The following CGN variants were observed in gnomAD, a reference collection of about 807,000 sequenced individuals.
CGN encodes the protein cingulin.
In CGN, 121 loss-of-function variants were observed where a neutral mutation model predicts 157.1. The observed-to-expected ratio is 0.77, with a 90% confidence interval of 0.66 to 0.90. CGN has a LOEUF of 0.90. Ranked by LOEUF, CGN falls within the 40% of genes least tolerant of loss-of-function variation. The pLI is 0.00. For synonymous variants in CGN, 535 were observed against 607.5 expected, an observed-to-expected ratio of 0.88 and a Z score of 1.76; for missense variants, 1,424 against 1,520.9, an observed-to-expected ratio of 0.94 and a Z score of 1.06.
chr1:151,529,296 CAGGT>C, intron 10 of CGN, 50 bp from the exon 11 acceptor site: 7 of 1,457,976 alleles, frequency 4.8e-6, no homozygotes, highest in Non-Finnish European at 6.7e-6. Flanking sequence ...TCTCCACATT[CAGGT>C]ATCTTAGTCT....
intron 5 of CGN, among the ~76,000 whole-genome samples, chr1:151,521,876 C>A (rs1306307379): frequency 6.6e-6 from 1 of 151,852 alleles, no homozygotes; most frequent in Non-Finnish European, 1.5e-5. Flanking sequence ...GGATGAAGAA[C>A]CTGGGATCAG....
intron 1 of CGN, among the ~76,000 whole-genome samples, chr1:151,515,857 C>A (rs1030625223): frequency 4.6e-5 from 7 of 152,178 alleles, no homozygotes. Context: ...TAGCCCAGTG[C>A]ATTTTCTTCT....
At chr1:151,523,722 C>A (rs1664597512) in intron 6 of CGN, among the ~76,000 whole-genome samples, 161 bp downstream of exon 6, 1 of 152,216 alleles carries the variant, frequency 6.6e-6, no homozygotes, top group Non-Finnish European at 1.5e-5. Context: ...TTTCTCTCTA[C>A]CTTCTTTATC....
chr1:151,534,049 G>A lies in CGN; in HGVS notation c.2817G>A (p.Leu939=), dbSNP rs765029431. The change falls in exon 15 of 21, where the codon CTG becomes CTA. Residue 939 remains leucine (L), a synonymous_variant. Transcript: ENST00000271636. ...RDTARLDKEL[L]AQRLQGLEQE... Reference sequence around the variant, plus strand: ...CAGCCCGGCTGGACAAAGAGCTACTGGCCCAGCGACTGCAGGGGCTGGAGC... The same window carrying A: ...CAGCCCGGCTGGACAAAGAGCTACTAGCCCAGCGACTGCAGGGGCTGGAGC... The A allele has an allele frequency of 1.9e-6, 3 of 1,613,818 alleles. No homozygotes were observed. In the Admixed American group the frequency reaches 5.0e-5, roughly 27 times the overall value.
intron 1 of CGN, among the ~76,000 whole-genome samples, chr1:151,515,319 A>G (rs1664384676): frequency 6.6e-6 from 1 of 152,258 alleles, no homozygotes; most frequent in South Asian, 2.1e-4. Context: ...AAGTACAAAG[A>G]TCTTAAGGGT....
At chr1:151,531,218 G>A (rs1373208512) in intron 13 of CGN, among the ~76,000 whole-genome samples, 1 of 151,934 alleles carries the variant, frequency 6.6e-6, no homozygotes, top group Non-Finnish European at 1.5e-5. Context: ...AAATCTTCTG[G>A]AAGGGGCATC....
At chr1:151,526,846 T>C in intron 9 of CGN, 129 bp from the exon 10 acceptor site, 1 of 971,438 alleles carries the variant, frequency 1.0e-6, no homozygotes, top group Non-Finnish European at 1.5e-6. Flanking sequence ...TTCACCTTCC[T>C]TCCTCTTGAG....
At chr1:151,526,665 G>A (rs1041166017) in intron 9 of CGN, among the ~76,000 whole-genome samples, 1 of 152,050 alleles carries the variant, frequency 6.6e-6, no homozygotes, top group Non-Finnish European at 1.5e-5. Context: ...GTAGAGACGG[G>A]GTTTCATTAT....
At chr1:151,514,831 A>G (rs1211907969) in intron 1 of CGN, among the ~76,000 whole-genome samples, 1 of 152,136 alleles carries the variant, frequency 6.6e-6, no homozygotes, top group Non-Finnish European at 1.5e-5. Context: ...GCTTCTCTGA[A>G]GAAGTGACAT....
At chr1:151,513,457 C>A (rs1052441302) in intron 1 of CGN, among the ~76,000 whole-genome samples, 1 of 152,202 alleles carries the variant, frequency 6.6e-6, no homozygotes, top group Non-Finnish European at 1.5e-5. Context: ...AAAAAGGGTG[C>A]CAAATCATCA....
At position 151,527,069 on chromosome 1, in the gene CGN, A is replaced by G; in HGVS notation, c.1858A>G (p.Ser620Gly). 1 of 1,614,162 alleles carries G rather than the reference A, an allele frequency of 6.2e-7. No individual in the cohort carries two copies. The highest frequency in any genetic ancestry group is 8.5e-7 in the Non-Finnish European group (1 of 1,180,034). Residue 620 changes from serine (S) to glycine (G), a missense_variant, in exon 10 of 21, where the codon AGT becomes GGT. Around this residue, in one of 3 missense-constraint regions of CGN, gnomAD observed 1,187 missense variants for 1,217.6 expected, o/e 0.97. Transcript: ENST00000271636. ...LQRELEQARA[S>G]AGDTRQVEVL... ...GAGGGAATTAGAGCAGGCCCGAGCTAGTGCTGGAGATACTCGCCAGGTTGA... is the reference window on the plus strand; with the variant it reads ...GAGGGAATTAGAGCAGGCCCGAGCTGGTGCTGGAGATACTCGCCAGGTTGA...
intron 16 of CGN, 60 bp from the exon 17 acceptor site, chr1:151,535,540 C>A: frequency 7.4e-7 from 1 of 1,349,458 alleles, no homozygotes; most frequent in South Asian, 1.2e-5. Flanking sequence ...TCACTTTGTT[C>A]AGCTTGCTGG....
chr1:151,532,596 T>C (rs765823989), intron 14 of CGN, 24 bp downstream of exon 14: 1 of 1,399,868 alleles, frequency 7.1e-7, no homozygotes, highest in Non-Finnish European at 9.3e-7. Flanking sequence ...ATCCTTGGGT[T>C]TGAAGGTCCT....
Position 151,519,205 on chromosome 1 carries a change from G to T in CGN, c.686G>T (p.Arg229Leu). Reference protein sequence around the residue: ...LPRDTFEERERQSTNHWTSST... With the variant: ...LPRDTFEERELQSTNHWTSST... ...CGGGACACCTTTGAGGAACGGGAGCGCCAGTCCACCAACCACTGGACCTCT... is the reference window on the plus strand; with the variant it reads ...CGGGACACCTTTGAGGAACGGGAGCTCCAGTCCACCAACCACTGGACCTCT... The change falls in exon 2 of 21, where the codon CGC (arginine) becomes CTC (leucine). Residue 229 changes from arginine (R) to leucine (L), a missense_variant. Physicochemically the swap from Arg to Leu is moderately radical, Grantham distance 102 (BLOSUM62 -2). Around this residue, in one of 3 missense-constraint regions of CGN, gnomAD observed 1,187 missense variants for 1,217.6 expected, o/e 0.97. Coordinates refer to ENST00000271636, the MANE Select transcript of CGN (RefSeq NM_020770.3). 1 of 1,614,060 alleles carries T rather than the reference G, an allele frequency of 6.2e-7. No homozygotes were observed. Among genetic ancestry groups the T allele is most frequent in the South Asian group, 1.1e-5 (1 of 91,082 alleles).
intron 8 of CGN, among the ~76,000 whole-genome samples, chr1:151,525,274 TTGTAGTCC>T (rs1311358821): frequency 2.0e-5 from 3 of 152,090 alleles, no homozygotes; most frequent in Non-Finnish European, 4.4e-5. Context: ...TGATGCGTAC[TTGTAGTCC>T]TAGCTACTTG....
chr1:151,519,708 G>A (rs1046750355), intron 2 of CGN, among the ~76,000 whole-genome samples: 1 of 152,182 alleles, frequency 6.6e-6, no homozygotes, highest in Admixed American at 6.5e-5. Context: ...TATGTAAGGC[G>A]GGCTTGGAGG....
In CGN at chr1:151,520,204, G is replaced by A. The variant is rs1664509142; in HGVS notation, c.912G>A (p.Glu304=). Reference sequence around the variant, plus strand: ...CAGACCTCCTTCGAGACCAGCAGGAGGCAGCCCCACCAGGCAGTGTGGACC... The same window carrying A: ...CAGACCTCCTTCGAGACCAGCAGGAAGCAGCCCCACCAGGCAGTGTGGACC... ...STPDLLRDQQ[E]AAPPGSVDHM... The change falls in exon 3 of 21, where the codon GAG becomes GAA. Residue 304 remains glutamate (E), a synonymous_variant. Coordinates refer to ENST00000271636, the MANE Select transcript of CGN (RefSeq NM_020770.3). 6.2e-7 allele frequency: 1 copy of A among 1,613,620 alleles called. No individual in the cohort carries two copies. Among genetic ancestry groups the A allele is most frequent in the Non-Finnish European group, 8.5e-7 (1 of 1,179,956 alleles).
intron 1 of CGN, among the ~76,000 whole-genome samples, chr1:151,517,478 T>TGGTGGG (rs1664440501): frequency 6.6e-6 from 1 of 151,342 alleles, no homozygotes; most frequent in African/African-American, 2.4e-5. Context: ...TGCCTTCCCT[T>TGGTGGG]GGTGGGAGGA....
chr1:151,520,748 C>A, intron 5 of CGN, 57 bp downstream of exon 5: 2 of 1,424,142 alleles, frequency 1.4e-6, no homozygotes, highest in Non-Finnish European at 2.0e-6. Flanking sequence ...AAAGCCTTGG[C>A]CTGGAGATGG....
Sources: gnomAD v4.1 joint callset for allele counts (sites outside exome capture counted in the v4.1 genomes callset) on GRCh38, gnomAD v4.1.1 for gene constraint, gnomAD v4.1.1 regional missense constraint, MANE v1.5 for transcripts, NCBI Gene and HGNC (gene_info 2026-07-23, HGNC 2026-07-21) for gene names.